Variants in RSRC2 observed in about 807,000 individuals in gnomAD.
RSRC2 encodes the protein arginine and serine rich coiled-coil 2.
A neutral mutation model predicts 61.3 loss-of-function variants in RSRC2; 5 were observed. The observed-to-expected ratio is 0.08, with a 90% CI of 0.04 to 0.17. RSRC2 has a LOEUF of 0.17. RSRC2 is among the 10% of genes least tolerant of loss of function. RSRC2 has a pLI of 1.00. For missense variants in RSRC2, 381 were observed against 518.8 expected (o/e 0.73, Z 2.58); for synonymous variants, 202 against 166.5 (o/e 1.21, Z -1.64).
At chr12:122,507,051 T>C (rs1484302267) in intron 8 of RSRC2, 128 bp from the exon 9 acceptor site, 1 of 680,316 alleles carries the variant, frequency 1.5e-6, no homozygotes, top group Admixed American at 2.4e-5. Context: ...TAAGTTTAAT[T>C]ATTTCAAGAC....
At chr12:122,517,632 C>A (rs1259177339) in intron 4 of RSRC2, among the ~76,000 whole-genome samples, 1 of 152,106 alleles carries the variant, frequency 6.6e-6, no homozygotes, top group African/African-American at 2.4e-5. Context: ...TGTCCTAGAA[C>A]ATAGTAAACC....
chr12:122,510,385 C>CT (rs1958409821), intron 7 of RSRC2, among the ~76,000 whole-genome samples: 1 of 152,106 alleles, frequency 6.6e-6, no homozygotes, highest in Non-Finnish European at 1.5e-5. Flanking sequence ...CAAAAATTAG[C>CT]TAGATGTGGT....
rs539107811 is a variant in RSRC2 at position 122,526,910 on chromosome 12, G to T, written c.-57C>A. 9 of 1,606,382 alleles carry T rather than the reference G, an allele frequency of 5.6e-6. No homozygotes were observed. In the African/African-American group the frequency reaches 6.7e-5, roughly 12 times the overall value. On this transcript the variant is annotated 5_prime_UTR_variant, in exon 1 of 10. Coordinates refer to ENST00000331738, the MANE Select transcript of RSRC2 (RefSeq NM_023012.6). ...TCCACTTGTCGCTTTCAACAGTACCGGCCGCTCCGAAGCTTCGCCTCAGAC... is the reference window on the plus strand; with the variant it reads ...TCCACTTGTCGCTTTCAACAGTACCTGCCGCTCCGAAGCTTCGCCTCAGAC...
At chr12:122,513,914 C>T (rs1958711687) in intron 6 of RSRC2, 2 of 514,222 alleles carry the variant, frequency 3.9e-6, no homozygotes, top group African/African-American at 2.1e-5. Context: ...TGCCTGTGGT[C>T]CCAACTACTT....
chr12:122,516,623 G>T (rs1041323592), intron 5 of RSRC2, among the ~76,000 whole-genome samples: 1 of 152,158 alleles, frequency 6.6e-6, no homozygotes, highest in African/African-American at 2.4e-5. Flanking sequence ...ACAGCATATG[G>T]TAAGTATGCA....
intron 6 of RSRC2, 176 bp downstream of exon 6, chr12:122,514,929 T>G: frequency 1.3e-6 from 1 of 747,160 alleles, no homozygotes. Flanking sequence ...AATCTTATAG[T>G]TGTGCAAATG....
chr12:122,521,523 T>G (rs1002532027), intron 2 of RSRC2, 95 bp from the exon 3 acceptor site: 2 of 1,039,266 alleles, frequency 1.9e-6, no homozygotes, highest in Non-Finnish European at 3.0e-6. Context: ...TGACTCCCAT[T>G]AGTCTTCTTC....
intron 1 of RSRC2, 38 bp from the exon 2 acceptor site, chr12:122,522,337 A>G (rs1196931541): frequency 1.3e-6 from 2 of 1,536,698 alleles, no homozygotes; most frequent in East Asian, 2.3e-5. Context: ...GTTCTTAATT[A>G]CATTTTAAAT....
At position 122,519,253 on chromosome 12, in the gene RSRC2, T is replaced by C. The variant is rs572139045; in HGVS notation, c.208-224A>G. On this transcript the variant is annotated intron_variant, in intron 3 of 9. Coordinates refer to ENST00000331738, the MANE Select transcript of RSRC2 (RefSeq NM_023012.6). ...TAGTTCCTCCCCAAAATATTTTCAA[T>C]ACAACAGAAACAATGATTTTTAAAG... 7 of 479,926 alleles carry C rather than the reference T, an allele frequency of 1.5e-5. No individual in the cohort carries two copies. The East Asian group carries it at 2.5e-4, about 17-fold the overall frequency. The allele number at this position is 479,926 out of a possible 1,614,324, so 29.7% of individuals were successfully genotyped here.
At chr12:122,510,525 TAAC>T (rs111392806) in intron 7 of RSRC2, among the ~76,000 whole-genome samples, 30 of 152,154 alleles carry the variant, frequency 2.0e-4, no homozygotes, top group Admixed American at 4.6e-4. Context: ...CGAGACTCCG[TAAC>T]AACAACAACA....
chr12:122,506,767 T>A, intron 9 of RSRC2, 67 bp downstream of exon 9: 1 of 932,388 alleles, frequency 1.1e-6, no homozygotes, highest in Non-Finnish European at 1.7e-6. Context: ...ACTAAGAAAA[T>A]GAGGGAAGAA....
intron 5 of RSRC2, among the ~76,000 whole-genome samples, chr12:122,516,729 G>T (rs961886341): frequency 6.6e-6 from 1 of 152,178 alleles, no homozygotes; most frequent in Non-Finnish European, 1.5e-5. Flanking sequence ...ATTCACTCCT[G>T]TCACCCAGAC....
intron 1 of RSRC2, among the ~76,000 whole-genome samples, chr12:122,526,557 G>A (rs1209367161): frequency 6.6e-6 from 1 of 152,124 alleles, no homozygotes; most frequent in Non-Finnish European, 1.5e-5. Context: ...TAGCCAGGGT[G>A]AATAAGCGAA....
chr12:122,516,885 G>T (rs1396657005), intron 5 of RSRC2, among the ~76,000 whole-genome samples: 1 of 152,054 alleles, frequency 6.6e-6, no homozygotes, highest in Non-Finnish European at 1.5e-5. Context: ...TAGACATGGG[G>T]TTTCACCATA....
intron 1 of RSRC2, among the ~76,000 whole-genome samples, chr12:122,525,018 G>A (rs1008996624): frequency 2.0e-5 from 3 of 152,104 alleles, no homozygotes; most frequent in African/African-American, 4.8e-5. Context: ...CACTTCTCTA[G>A]GGGACTGTCT....
intron 6 of RSRC2, among the ~76,000 whole-genome samples, chr12:122,512,773 A>C (rs1958622397): frequency 6.6e-6 from 1 of 151,994 alleles, no homozygotes; most frequent in East Asian, 1.9e-4. Flanking sequence ...GTTGAAATTT[A>C]CATAAAAGAA....
chr12:122,507,616 T>C (rs1369865013), intron 8 of RSRC2, among the ~76,000 whole-genome samples: 1 of 152,130 alleles, frequency 6.6e-6, no homozygotes, highest in Non-Finnish European at 1.5e-5. Context: ...CTTCAATCAA[T>C]TATGTTTTAT....
rs189030775 is a variant in RSRC2 at position 122,518,194 on chromosome 12, G to T, written c.398+645C>A. On this transcript the variant is annotated intron_variant, in intron 4 of 9. Transcript: ENST00000331738. ...GCATGTCTGTGGTCTCAGCTGCTTGGGAGGCTTGAGGTCAGATCACTTGAG... is the reference window on the plus strand; with the variant it reads ...GCATGTCTGTGGTCTCAGCTGCTTGTGAGGCTTGAGGTCAGATCACTTGAG... Among the ~76,000 whole-genome samples, 7 of 152,178 alleles carry T rather than the reference G, an allele frequency of 4.6e-5. No individual in the cohort carries two copies. The South Asian group carries it at 1.2e-3, about 27-fold the overall frequency.
intron 6 of RSRC2, chr12:122,514,813 A>G (rs1958788647): frequency 5.6e-6 from 3 of 537,502 alleles, no homozygotes; most frequent in Non-Finnish European, 6.9e-6. Flanking sequence ...TTAAGACTCA[A>G]AAAAAAAAAG....
Sources: gnomAD v4.1 joint callset for allele counts (sites outside exome capture counted in the v4.1 genomes callset) on GRCh38, gnomAD v4.1.1 for gene constraint, MANE v1.5 for transcripts, NCBI Gene and HGNC (gene_info 2026-07-23, HGNC 2026-07-21) for gene names.